Variants in ADAM9 observed in about 807,000 individuals in gnomAD.
ADAM9 encodes the protein disintegrin and metalloproteinase domain-containing protein 9.
A neutral mutation model predicts 108.1 loss-of-function variants in ADAM9; 54 were observed. That is an observed-to-expected ratio of 0.50 (90% CI 0.40 to 0.63). ADAM9 has a LOEUF of 0.63. Among genes scored for constraint, ADAM9 ranks in the 20% least tolerant of loss-of-function variants. The pLI is 0.00. For missense variants in ADAM9, 830 were observed against 997.7 expected (o/e 0.83, Z 2.26); for synonymous variants, 316 against 336.0 (o/e 0.94, Z 0.65).
rs575235283 is a variant in ADAM9 at position 39,052,824 on chromosome 8, T to C, written c.1303-1657T>C. Among the ~76,000 whole-genome samples, 141 of 152,318 alleles carry C rather than the reference T, an allele frequency of 9.3e-4. 1 individual carries two copies. The highest frequency in any genetic ancestry group is 3.0e-3 in the African/African-American group (126 of 41,578). On this transcript the variant is annotated intron_variant, in intron 12 of 21. Coordinates refer to ENST00000487273, the MANE Select transcript of ADAM9 (RefSeq NM_003816.3). ...ACCTTCAAATCTTTATGTGAACTTATGTTTTTAATACTGTTGGGTAAATGT... is the reference window on the plus strand; with the variant it reads ...ACCTTCAAATCTTTATGTGAACTTACGTTTTTAATACTGTTGGGTAAATGT...
intron 1 of ADAM9, among the ~76,000 whole-genome samples, chr8:39,001,607 A>G (rs886374802): frequency 4.6e-5 from 7 of 152,220 alleles, no homozygotes; most frequent in Non-Finnish European, 7.3e-5. Context: ...GAAAAGTGTA[A>G]CACTAAAAAA....
chr8:38,997,567 G>C (rs1205407048), intron 1 of ADAM9, among the ~76,000 whole-genome samples: 1 of 152,228 alleles, frequency 6.6e-6, no homozygotes, highest in Non-Finnish European at 1.5e-5. Context: ...TGCAGGGAGG[G>C]AGCTGGCTCT....
At chr8:38,998,603 T>TGTA (rs1224055411) in intron 1 of ADAM9, among the ~76,000 whole-genome samples, 1 of 152,166 alleles carries the variant, frequency 6.6e-6, no homozygotes, top group Non-Finnish European at 1.5e-5. Context: ...CACAGTTGAT[T>TGTA]GTAGAGGGGC....
intron 12 of ADAM9, among the ~76,000 whole-genome samples, chr8:39,053,479 T>G (rs577687879): frequency 6.6e-6 from 1 of 152,338 alleles, no homozygotes; most frequent in Non-Finnish European, 1.5e-5. Flanking sequence ...TGACTTTTTT[T>G]GGGTATATTT....
intron 20 of ADAM9, among the ~76,000 whole-genome samples, chr8:39,099,055 T>C (rs1458288739): frequency 1.3e-5 from 2 of 152,146 alleles, no homozygotes; most frequent in African/African-American, 4.8e-5. Context: ...TGGAGACTAT[T>C]TTTTTAGTTC....
At position 39,103,984 on chromosome 8, in the gene ADAM9, G is replaced by T. The variant is rs761619995; in HGVS notation, c.*284G>T. On this transcript the variant is annotated 3_prime_UTR_variant, in exon 22 of 22. Transcript: ENST00000487273. ...TTAATGCACTAATCATGGATTTTTT[G>T]AACATGTTATTGCAGTGATTCTCAA... The T allele has an allele frequency of 5.2e-6, 3 of 582,108 alleles. No individual in the cohort carries two copies. The highest frequency in any genetic ancestry group is 6.4e-6 in the Non-Finnish European group (2 of 311,030). 36.1% of individuals were successfully genotyped at this position (582,108 alleles called of 1,614,324 possible).
At chr8:39,073,534 TC>T (rs947020426) in intron 15 of ADAM9, among the ~76,000 whole-genome samples, 1 of 152,210 alleles carries the variant, frequency 6.6e-6, no homozygotes, top group African/African-American at 2.4e-5. Context: ...ACACATTTTA[TC>T]TTGCATTTAG....
chr8:39,077,256 G>C lies in ADAM9; in HGVS notation c.1726G>C (p.Glu576Gln). The C allele has an allele frequency of 6.2e-7, 1 of 1,614,052 alleles. No individual in the cohort carries two copies. Among genetic ancestry groups the C allele is most frequent in the African/African-American group, 1.3e-5 (1 of 75,018 alleles). Residue 576 changes from glutamate to glutamine, a missense_variant, in exon 16 of 22, where the codon GAG becomes CAG. Glu to Gln is a conservative substitution (Grantham distance 29, BLOSUM62 2). This residue lies in a region of ADAM9 where 381 missense variants were observed against 539.8 expected (regional missense o/e 0.71). Coordinates refer to ENST00000487273, the MANE Select transcript of ADAM9 (RefSeq NM_003816.3). ...GNALCGKLQC[E>Q]NVQEIPVFGI... ...TGCTTTGTGTGGAAAGCTTCAGTGT[G>C]AGAATGTACAAGAGATACCTGTATT... is the stretch of plus-strand genomic sequence containing the variant.
intron 7 of ADAM9, among the ~76,000 whole-genome samples, chr8:39,019,983 A>G (rs1836680570): frequency 6.6e-6 from 1 of 152,246 alleles, no homozygotes; most frequent in African/African-American, 2.4e-5. Context: ...CACAAAAGTC[A>G]AGATTCAAAA....
At chr8:39,021,019 T>C (rs1037235986) in intron 7 of ADAM9, among the ~76,000 whole-genome samples, 1 of 152,222 alleles carries the variant, frequency 6.6e-6, no homozygotes, top group Non-Finnish European at 1.5e-5. Context: ...CTTTGTGAAA[T>C]GCTTGAAAAT....
intron 14 of ADAM9, among the ~76,000 whole-genome samples, chr8:39,065,386 G>A (rs1410115965): frequency 6.6e-6 from 1 of 151,500 alleles, no homozygotes; most frequent in Non-Finnish European, 1.5e-5. Context: ...CAGGCGCGGT[G>A]GCTCACGCCT....
chr8:39,094,012 TC>T (rs1554587363), intron 20 of ADAM9, among the ~76,000 whole-genome samples: 1 of 152,220 alleles, frequency 6.6e-6, no homozygotes, highest in Non-Finnish European at 1.5e-5. Context: ...CCTCAGGTGA[TC>T]CACCTGCCTC....
Position 39,105,057 on chromosome 8 carries a change from A to T in ADAM9, c.*1357A>T, listed in dbSNP as rs1487172232. The stretch of plus-strand genomic sequence containing the variant: ...CTATTTATAATCTCATTAATTAAAA[A>T]GTTATAATTTTAGATAAAAATTCTA... On this transcript the variant is annotated 3_prime_UTR_variant, in exon 22 of 22. Transcript: ENST00000487273. 2 of 405,420 alleles carry T rather than the reference A, an allele frequency of 4.9e-6. No individual in the cohort carries two copies. Among genetic ancestry groups the T allele is most frequent in the African/African-American group, 4.2e-5 (2 of 47,314 alleles). 25.1% of individuals were successfully genotyped at this position (405,420 alleles called of 1,614,324 possible). A position where few individuals can be genotyped will look rare whatever the true frequency, so the allele number is the denominator to read the frequency against.
In ADAM9 at chr8:39,041,975, C is replaced by T. The variant is rs754138991; in HGVS notation, c.1160C>T (p.Ala387Val). ...SGSRNFSSCSAEDFEKLTLNK... is the reference protein window; with the variant it reads ...SGSRNFSSCSVEDFEKLTLNK... ...TCCAGAAACTTTAGCAGTTGCAGTG[C>T]AGAGGACTTTGAGAAGTTAACTTTA... The change falls in exon 12 of 22, where the codon GCA becomes GTA. Residue 387 changes from alanine (A) to valine (V), a missense_variant. Physicochemically the swap from Ala to Val is moderately conservative, Grantham distance 64 (BLOSUM62 0). This residue lies in a region of ADAM9 where 381 missense variants were observed against 539.8 expected (regional missense o/e 0.71). Transcript: ENST00000487273. The T allele has an allele frequency of 1.9e-6, 3 of 1,613,870 alleles. No individual in the cohort carries two copies. Among genetic ancestry groups the T allele is most frequent in the African/African-American group, 2.7e-5 (2 of 74,922 alleles).
chr8:39,073,728 TTCTTG>T (rs1177883156), intron 15 of ADAM9, among the ~76,000 whole-genome samples: 1 of 152,194 alleles, frequency 6.6e-6, no homozygotes, highest in African/African-American at 2.4e-5. Context: ...ATATACCATA[TTCTTG>T]TCTTTAGCCT....
chr8:39,040,895 C>T (rs551674517), intron 11 of ADAM9, among the ~76,000 whole-genome samples: 1 of 152,294 alleles, frequency 6.6e-6, no homozygotes, highest in African/African-American at 2.4e-5. Context: ...TGGATTTCTA[C>T]ATGCAAAAGA....
chr8:39,055,141 C>G (rs1438117082), intron 13 of ADAM9, among the ~76,000 whole-genome samples: 3 of 152,052 alleles, frequency 2.0e-5, no homozygotes, highest in Non-Finnish European at 4.4e-5. Context: ...TTGATTACTT[C>G]CAGTTACTGC....
chr8:39,065,021 T>G (rs1838413025), intron 14 of ADAM9, among the ~76,000 whole-genome samples: 1 of 152,186 alleles, frequency 6.6e-6, no homozygotes. Context: ...CCGTGCTATG[T>G]AATTGGTGGG....
chr8:39,007,208 C>T (rs1303555495), intron 1 of ADAM9, among the ~76,000 whole-genome samples: 1 of 152,100 alleles, frequency 6.6e-6, no homozygotes, highest in African/African-American at 2.4e-5. Flanking sequence ...GAGAGAGGCT[C>T]TTTTTAACAA....
Sources: allele counts gnomAD v4.1 joint callset (sites outside exome capture counted in the v4.1 genomes callset), GRCh38; gene constraint gnomAD v4.1.1; regional missense constraint gnomAD v4.1.1; transcripts MANE v1.5; gene names NCBI Gene and HGNC (gene_info 2026-07-23, HGNC 2026-07-21).